ATP1B3: variants seen among roughly 807,000 people sequenced by gnomAD.
ATP1B3 encodes the protein ATPase Na+/K+ transporting subunit beta 3, also known as sodium/potassium-transporting ATPase subunit beta-3.
Under a neutral mutation model 30.2 loss-of-function variants are expected in ATP1B3, and 10 were observed. The ratio of observed to expected loss-of-function variants is 0.33; its 90% CI spans 0.20 to 0.56. The LOEUF is 0.56. Ranked by LOEUF, ATP1B3 falls within the 20% of genes least tolerant of loss-of-function variation. ATP1B3 has a pLI of 0.90. For synonymous variants in ATP1B3, 113 were observed against 117.0 expected, an observed-to-expected ratio of 0.97 and a Z score of 0.22; for missense variants, 238 against 336.7, an observed-to-expected ratio of 0.71 and a Z score of 2.29.
chr3:141,907,645 A>G lies in ATP1B3; in HGVS notation c.346+371A>G, dbSNP rs553078574. Among the ~76,000 whole-genome samples the G allele has an allele frequency of 3.7e-4, 57 of 152,254 alleles. 1 individual carries two copies. Among genetic ancestry groups the G allele is most frequent in the Middle Eastern group, 3.4e-3 (1 of 294 alleles). ...AACAAGAGCGAAACTCCGTCTCAAA[A>G]AAAAAAAAAGAGTCCCAAGTTGTGA... On this transcript the variant is annotated intron_variant, in intron 3 of 6. Transcript: ENST00000286371.
intron 1 of ATP1B3, among the ~76,000 whole-genome samples, chr3:141,881,513 C>T (rs986527030): frequency 3.3e-5 from 5 of 152,206 alleles, no homozygotes; most frequent in Admixed American, 2.0e-4. Flanking sequence ...GATCAGGCTT[C>T]ATCCCATCTG....
At chr3:141,883,067 A>G (rs775477399) in intron 1 of ATP1B3, among the ~76,000 whole-genome samples, 1 of 152,120 alleles carries the variant, frequency 6.6e-6, no homozygotes, top group Non-Finnish European at 1.5e-5. Context: ...CATTCCACAT[A>G]GTTATTTCCT....
At position 141,876,828 on chromosome 3, in the gene ATP1B3, C is replaced by G; in HGVS notation, c.27C>G (p.Leu9=). 1.3e-6 allele frequency: 2 copies of G among 1,588,532 alleles called. No homozygotes were observed. Among genetic ancestry groups the G allele is most frequent in the African/African-American group, 1.4e-5 (1 of 72,054 alleles). Residue 9 remains leucine (L), a synonymous_variant, in exon 1 of 7, where the codon CTC becomes CTG. Coordinates refer to ENST00000286371, the MANE Select transcript of ATP1B3 (RefSeq NM_001679.4). MTKNEKKS[L]NQSLAEWKLF... ...TGACGAAGAACGAGAAGAAGTCCCTCAACCAGAGCCTGGCCGAGTGGAAGC... is the reference window on the plus strand; with the variant it reads ...TGACGAAGAACGAGAAGAAGTCCCTGAACCAGAGCCTGGCCGAGTGGAAGC...
chr3:141,920,761 A>G (rs914777102), intron 5 of ATP1B3, among the ~76,000 whole-genome samples: 1 of 152,228 alleles, frequency 6.6e-6, no homozygotes, highest in African/African-American at 2.4e-5. Flanking sequence ...GTTAAAGAGT[A>G]CAAATGTAGG....
chr3:141,916,900 CTG>C (rs2107778037), intron 5 of ATP1B3, among the ~76,000 whole-genome samples: 1 of 152,092 alleles, frequency 6.6e-6, no homozygotes, highest in East Asian at 1.9e-4. Context: ...GAGTCTCACT[CTG>C]TCGCCTGGGC....
intron 1 of ATP1B3, among the ~76,000 whole-genome samples, chr3:141,894,508 A>G (rs1465061980): frequency 6.6e-6 from 1 of 152,228 alleles, no homozygotes; most frequent in African/African-American, 2.4e-5. Flanking sequence ...AACACATTGT[A>G]CAGCTGCATA....
intron 1 of ATP1B3, among the ~76,000 whole-genome samples, chr3:141,878,993 A>G (rs1933662006): frequency 6.6e-6 from 1 of 152,154 alleles, no homozygotes; most frequent in African/African-American, 2.4e-5. Flanking sequence ...CAAAGGCAGG[A>G]TCAGTTTGGA....
chr3:141,877,065 A>G (rs1459596546), intron 1 of ATP1B3, among the ~76,000 whole-genome samples, 155 bp downstream of exon 1: 2 of 150,752 alleles, frequency 1.3e-5, no homozygotes, highest in Non-Finnish European at 3.0e-5. Flanking sequence ...GTGCGGCCCC[A>G]TTCATTGCTC....
At chr3:141,898,129 C>T (rs547393344) in intron 1 of ATP1B3, among the ~76,000 whole-genome samples, 1 of 152,152 alleles carries the variant, frequency 6.6e-6, no homozygotes, top group Non-Finnish European at 1.5e-5. Flanking sequence ...AAGACCCAAA[C>T]TTAAGAGCTA....
At chr3:141,914,034 A>G (rs946263427) in intron 4 of ATP1B3, among the ~76,000 whole-genome samples, 198 bp downstream of exon 4, 9 of 152,166 alleles carry the variant, frequency 5.9e-5, no homozygotes, top group Admixed American at 4.6e-4. Context: ...AAAGAGGTTC[A>G]TAGATTAATC....
chr3:141,923,031 A>C (rs1295190149), intron 6 of ATP1B3, among the ~76,000 whole-genome samples: 2 of 151,994 alleles, frequency 1.3e-5, no homozygotes, highest in African/African-American at 2.4e-5. Flanking sequence ...CAATCGCAGC[A>C]TTTTGGGAGG....
intron 6 of ATP1B3, among the ~76,000 whole-genome samples, chr3:141,922,831 T>C (rs951273484): frequency 6.6e-6 from 1 of 151,458 alleles, no homozygotes; most frequent in African/African-American, 2.4e-5. Flanking sequence ...CTGGGCGTGG[T>C]GGCAGGCACC....
intron 1 of ATP1B3, among the ~76,000 whole-genome samples, chr3:141,897,383 T>A (rs1030064022): frequency 2.0e-5 from 3 of 152,218 alleles, no homozygotes; most frequent in Non-Finnish European, 4.4e-5. Context: ...TGAACTCTTG[T>A]AGAGAAGCAG....
intron 1 of ATP1B3, among the ~76,000 whole-genome samples, chr3:141,879,081 C>G (rs1158470454): frequency 6.6e-6 from 1 of 152,186 alleles, no homozygotes; most frequent in East Asian, 1.9e-4. Context: ...TATGGGCTTG[C>G]TGCCAGATGT....
chr3:141,894,813 A>G (rs1204862250), intron 1 of ATP1B3, among the ~76,000 whole-genome samples: 2 of 152,230 alleles, frequency 1.3e-5, no homozygotes, highest in African/African-American at 2.4e-5. Context: ...GAAGGAGTAC[A>G]CTATAAAATA....
intron 1 of ATP1B3, 139 bp downstream of exon 1, chr3:141,877,049 G>A: frequency 2.0e-6 from 1 of 498,998 alleles, no homozygotes; most frequent in Non-Finnish European, 3.2e-6. Context: ...GGGCGGCGGC[G>A]GCGCAGTGCG....
At chr3:141,901,740 C>T (rs1190680618) in intron 1 of ATP1B3, among the ~76,000 whole-genome samples, 1 of 151,888 alleles carries the variant, frequency 6.6e-6, no homozygotes, top group East Asian at 1.9e-4. Context: ...ACATTATTTT[C>T]CTAGAAATTT....
chr3:141,916,362 CTCTT>C (rs1559873196), intron 5 of ATP1B3: 2 of 470,630 alleles, frequency 4.2e-6, no homozygotes, highest in East Asian at 6.7e-5. Flanking sequence ...TGACATTTTT[CTCTT>C]TCTTAATAGT....
intron 1 of ATP1B3, among the ~76,000 whole-genome samples, chr3:141,878,104 G>A (rs762386092): frequency 1.1e-4 from 16 of 152,096 alleles, no homozygotes; most frequent in Non-Finnish European, 1.8e-4. Flanking sequence ...GGGCCTTGGA[G>A]GATTTTTAGC....
Sources: allele counts gnomAD v4.1 joint callset (sites outside exome capture counted in the v4.1 genomes callset), GRCh38; gene constraint gnomAD v4.1.1; transcripts MANE v1.5; gene names NCBI Gene and HGNC (gene_info 2026-07-23, HGNC 2026-07-21).